BCL2: variants seen among roughly 807,000 people sequenced by gnomAD.
The protein encoded by BCL2 is apoptosis regulator Bcl-2.
Under a neutral mutation model 14.2 loss-of-function variants are expected in BCL2, and 1 was observed. The ratio of observed to expected loss-of-function variants is 0.07; its 90% confidence interval spans 0.02 to 0.33. The LOEUF is 0.33. Among genes scored for constraint, BCL2 ranks in the 10% least tolerant of loss-of-function variants. The pLI is 0.99. For synonymous variants in BCL2, 151 were observed against 137.2 expected (o/e 1.10, Z -0.70); for missense variants, 247 against 305.9 (o/e 0.81, Z 1.44).
chr18:63,267,222 C>A (rs1911858247), intron 2 of BCL2, among the ~76,000 whole-genome samples: 1 of 152,192 alleles, frequency 6.6e-6, no homozygotes, highest in African/African-American at 2.4e-5. Flanking sequence ...TATACAGGGG[C>A]ATTCCGTGCT....
chr18:63,172,760 G>A (rs992403415), intron 2 of BCL2, among the ~76,000 whole-genome samples: 15 of 152,276 alleles, frequency 9.9e-5, no homozygotes, highest in Admixed American at 3.3e-4. Context: ...CAGCCTGGGC[G>A]ACAGAGGAAG....
intron 2 of BCL2, among the ~76,000 whole-genome samples, chr18:63,140,769 G>A (rs1355476074): frequency 6.6e-6 from 1 of 152,208 alleles, no homozygotes; most frequent in African/African-American, 2.4e-5. Context: ...AAACCAATGC[G>A]CTGATCACTT....
chr18:63,138,759 G>A (rs939138697), intron 2 of BCL2, among the ~76,000 whole-genome samples: 1 of 152,232 alleles, frequency 6.6e-6, no homozygotes, highest in African/African-American at 2.4e-5. Context: ...CTGGAGACAT[G>A]GCAGGAGATG....
At chr18:63,286,232 A>G (rs1488736531) in intron 2 of BCL2, among the ~76,000 whole-genome samples, 1 of 152,226 alleles carries the variant, frequency 6.6e-6, no homozygotes, top group Non-Finnish European at 1.5e-5. Flanking sequence ...CTAGGTTCAA[A>G]CTTGCTGTGA....
intron 2 of BCL2, among the ~76,000 whole-genome samples, chr18:63,296,632 T>G (rs1388489641): frequency 1.3e-5 from 2 of 152,114 alleles, no homozygotes; most frequent in Admixed American, 6.5e-5. Flanking sequence ...ATTCTTGGCT[T>G]AACTCTTAGG....
chr18:63,201,258 C>A (rs1909682083), intron 2 of BCL2, among the ~76,000 whole-genome samples: 1 of 152,156 alleles, frequency 6.6e-6, no homozygotes, highest in South Asian at 2.1e-4. Flanking sequence ...TCACCCAATT[C>A]TGACATTTAA....
intron 2 of BCL2, among the ~76,000 whole-genome samples, chr18:63,309,311 G>A (rs950002640): frequency 3.3e-5 from 5 of 152,206 alleles, no homozygotes; most frequent in African/African-American, 1.2e-4. Flanking sequence ...TTTTTCTCTT[G>A]AGATCCAGAT....
rs571910310 is a variant in BCL2, at chr18:63,244,428, G to A, written c.585+73654C>T. On this transcript the variant is annotated intron_variant, in intron 2 of 2. Transcript: ENST00000333681. ...ACAAAAATTAGCCAGGCATGGTGAC[G>A]GGTGCCTGTAATTCCTGCTACTCAG... 2.7e-3 allele frequency among the ~76,000 whole-genome samples: 399 copies of A among 149,446 alleles called. 2 individuals carry two copies. Among genetic ancestry groups the A allele is most frequent in the African/African-American group, 9.0e-3 (364 of 40,646 alleles).
intron 2 of BCL2, among the ~76,000 whole-genome samples, chr18:63,183,715 C>T (rs545644888): frequency 3.9e-5 from 6 of 152,188 alleles, no homozygotes; most frequent in African/African-American, 1.2e-4. Flanking sequence ...CTGCATGGGG[C>T]GGGGGCGGGG....
chr18:63,282,546 C>T (rs77314491), intron 2 of BCL2, among the ~76,000 whole-genome samples: 2,211 of 152,184 alleles, frequency 0.015, 54 homozygotes, highest in African/African-American at 0.05. Context: ...TTGTAAAGCA[C>T]GGCAATGGAA....
Position 63,149,886 on chromosome 18 carries a change from T to C in BCL2, c.586-21127A>G, listed in dbSNP as rs1203049053. Among the ~76,000 whole-genome samples, 1 of 139,760 alleles carries C rather than the reference T, an allele frequency of 7.2e-6. No homozygotes were observed. Among genetic ancestry groups the C allele is most frequent in the African/African-American group, 2.6e-5 (1 of 38,502 alleles). 91.7% of individuals were successfully genotyped at this position (139,760 alleles called of 152,430 possible). A position where few individuals can be genotyped will look rare whatever the true frequency, so the allele number is the denominator to read the frequency against. ...ATTTATTTATTTATTTATTTATTTATTTATTTTGAGACAGCGTCTCCCTCT... is the reference window on the plus strand; with the variant it reads ...ATTTATTTATTTATTTATTTATTTACTTATTTTGAGACAGCGTCTCCCTCT... On this transcript the variant is annotated intron_variant, in intron 2 of 2. Transcript: ENST00000333681. This position sits in a 1 kb window ranked among gnomAD's most constrained non-coding sequence, Gnocchi z 4.2.
intron 2 of BCL2, among the ~76,000 whole-genome samples, chr18:63,208,475 G>A (rs920850851): frequency 6.6e-6 from 1 of 152,108 alleles, no homozygotes; most frequent in Non-Finnish European, 1.5e-5. Flanking sequence ...TGCTAAAACA[G>A]GCACCACACA....
intron 2 of BCL2, among the ~76,000 whole-genome samples, chr18:63,307,033 A>G (rs1436073796): frequency 6.6e-6 from 1 of 152,070 alleles, no homozygotes; most frequent in Non-Finnish European, 1.5e-5. Context: ...TATTTTTTTA[A>G]AAGTATGGTA....
intron 2 of BCL2, among the ~76,000 whole-genome samples, chr18:63,144,201 T>A (rs1914447998): frequency 6.6e-6 from 1 of 152,252 alleles, no homozygotes; most frequent in African/African-American, 2.4e-5. Flanking sequence ...AGCTTTGATC[T>A]ATCTTTTGGA....
chr18:63,191,954 A>G (rs149041389), intron 2 of BCL2, among the ~76,000 whole-genome samples: 2 of 152,328 alleles, frequency 1.3e-5, no homozygotes, highest in East Asian at 3.9e-4. Context: ...TTACATTTAA[A>G]TCATCTACAG....
intron 2 of BCL2, among the ~76,000 whole-genome samples, chr18:63,301,917 A>T (rs1209839400): frequency 6.6e-6 from 1 of 152,252 alleles, no homozygotes; most frequent in East Asian, 1.9e-4. Context: ...GATCTTAAGG[A>T]TATGTAAAAA....
chr18:63,222,734 T>C (rs1465469348), intron 2 of BCL2, among the ~76,000 whole-genome samples: 3 of 152,176 alleles, frequency 2.0e-5, no homozygotes, highest in Admixed American at 1.3e-4. Context: ...GTATCTAATA[T>C]GGCTTTCACC....
intron 2 of BCL2, among the ~76,000 whole-genome samples, chr18:63,263,351 A>G (rs563221125): frequency 1.5e-4 from 23 of 152,208 alleles, no homozygotes; most frequent in Non-Finnish European, 2.5e-4. Flanking sequence ...TGTTGCCAGA[A>G]AGAAACAAGC....
intron 2 of BCL2, among the ~76,000 whole-genome samples, chr18:63,173,447 A>G (rs62100185): frequency 0.028 from 4,323 of 152,302 alleles, 99 homozygotes; most frequent in Non-Finnish European, 0.041. Flanking sequence ...AGAGACATTT[A>G]GACTAAAATA....
Sources: gnomAD v4.1 joint callset for allele counts (sites outside exome capture counted in the v4.1 genomes callset) on GRCh38, gnomAD v4.1.1 for gene constraint, Gnocchi (gnomAD v3.1) non-coding constraint, MANE v1.5 for transcripts, NCBI Gene and HGNC (gene_info 2026-07-23, HGNC 2026-07-21) for gene names.